Variants in CCDC61 observed in about 807,000 individuals in gnomAD.
CCDC61 encodes the protein centrosomal protein CCDC61.
In CCDC61, 55 loss-of-function variants were observed where a neutral mutation model predicts 63.0. The ratio of observed to expected loss-of-function variants is 0.87; its 90% CI spans 0.70 to 1.09. CCDC61 has a LOEUF of 1.09. Among genes scored for constraint, CCDC61 ranks in the 50% least tolerant of loss-of-function variants. The pLI is 0.00. For synonymous variants in CCDC61, 270 were observed against 317.0 expected (o/e 0.85, Z 1.58); for missense variants, 651 against 731.4 (o/e 0.89, Z 1.27).
intron 1 of CCDC61, chr19:46,000,199 G>A (rs2146452966): frequency 3.8e-6 from 1 of 260,690 alleles, no homozygotes; most frequent in African/African-American, 2.3e-5. Context: ...TGGAAAATAT[G>A]TGTGCGGGTG....
At chr19:45,998,353 C>T (rs2146450146) in intron 1 of CCDC61, among the ~76,000 whole-genome samples, 1 of 152,334 alleles carries the variant, frequency 6.6e-6, no homozygotes, top group East Asian at 1.9e-4. Flanking sequence ...TAGGAAGCTG[C>T]ATTTTCATAA....
intron 5 of CCDC61, among the ~76,000 whole-genome samples, chr19:46,008,807 G>T (rs1968768562): frequency 6.6e-6 from 1 of 152,166 alleles, no homozygotes; most frequent in Admixed American, 6.5e-5. Flanking sequence ...CTGAGTCCAG[G>T]GAGGGAGGCA....
chr19:46,002,926 G>T, intron 1 of CCDC61, 82 bp from the exon 2 acceptor site: 1 of 1,370,714 alleles, frequency 7.3e-7, no homozygotes, highest in Admixed American at 2.1e-5. Flanking sequence ...AAATGATGGA[G>T]CCAGGATATG....
At chr19:46,009,096 G>A (rs1344514239) in intron 5 of CCDC61, among the ~76,000 whole-genome samples, 1 of 152,186 alleles carries the variant, frequency 6.6e-6, no homozygotes, top group Non-Finnish European at 1.5e-5. Flanking sequence ...CCTGTGCTGT[G>A]GGAGGCTGTC....
intron 5 of CCDC61, among the ~76,000 whole-genome samples, chr19:46,011,962 C>G (rs1211880568): frequency 2.0e-5 from 3 of 152,132 alleles, no homozygotes; most frequent in Non-Finnish European, 2.9e-5. Context: ...GCCACCACAC[C>G]CGGCTGATTT....
Position 46,017,288 on chromosome 19 carries a change from G to A in CCDC61, c.1352G>A (p.Trp451Ter), listed in dbSNP as rs1038222144. 14 of 1,564,560 alleles carry A rather than the reference G, an allele frequency of 8.9e-6. No individual in the cohort carries two copies. In the African/African-American group the frequency reaches 1.6e-4, roughly 18 times the overall value. Residue 451 changes from tryptophan to a stop codon, truncating the protein, a stop_gained, in exon 12 of 14, where the codon TGG becomes TAG. Transcript: ENST00000595358. LOFTEE classifies it high-confidence loss of function. ...GGGAAGCCTCCCAGCCCAACGCCCT[G>A]GAGTGGGTCCAATATGGTGAGTAGA... ...RRGKPPSPTPWSGSNMKSPPV... is the reference protein window; with the variant it reads ...RRGKPPSPTP
intron 5 of CCDC61, among the ~76,000 whole-genome samples, chr19:46,011,037 T>C (rs1054777094): frequency 6.6e-6 from 1 of 151,450 alleles, no homozygotes; most frequent in Non-Finnish European, 1.5e-5. Context: ...TTTGTCGAGG[T>C]CTTTCTTTTC....
chr19:45,998,240 C>T (rs1036589602), intron 1 of CCDC61, among the ~76,000 whole-genome samples: 4 of 152,178 alleles, frequency 2.6e-5, no homozygotes, highest in South Asian at 2.1e-4. Flanking sequence ...ATTGTGGCGC[C>T]CAAGGGCAGA....
intron 3 of CCDC61, 27 bp downstream of exon 3, chr19:46,003,528 T>TGGGGGG: frequency 8.0e-5 from 71 of 882,846 alleles, no homozygotes; most frequent in Middle Eastern, 2.7e-4. Context: ...CGGGTTGGGG[T>TGGGGGG]GGGAGGGGGG....
chr19:46,018,541 C>T lies in CCDC61; in HGVS notation c.*154C>T, dbSNP rs1403733817. ...GTCTCAGGTGTGTGAGGCCCTGACC[C>T]TGCCCTCTCCCCAGGCAGTGCATGC... On this transcript the variant is annotated 3_prime_UTR_variant, in exon 14 of 14. Transcript: ENST00000595358. This position sits in a 1 kb window ranked among gnomAD's most constrained non-coding sequence, Gnocchi z 4.2. 2 of 606,818 alleles carry T rather than the reference C, an allele frequency of 3.3e-6. No individual in the cohort carries two copies. The highest frequency in any genetic ancestry group is 2.8e-5 in the East Asian group (1 of 35,280). 37.6% of individuals were successfully genotyped at this position (606,818 alleles called of 1,614,324 possible). A position where few individuals can be genotyped will look rare whatever the true frequency, so the allele number is the denominator to read the frequency against.
Position 46,016,781 on chromosome 19 carries a change from C to G in CCDC61, c.1179C>G (p.Ala393=). ...SWSRQTQPPA[A]LTGRGDAPNR... ...CTCGCCAGACCCAGCCCCCTGCTGC[C>G]TTGACTGGCCGAGGGGACGCCCCTA... Residue 393 remains alanine (A), a synonymous_variant, in exon 10 of 14, where the codon GCC becomes GCG. Transcript: ENST00000595358. This position sits in a 1 kb window ranked among gnomAD's most constrained non-coding sequence, Gnocchi z 7.2. 1 of 1,553,062 alleles carries G rather than the reference C, an allele frequency of 6.4e-7. No homozygotes were observed.
At position 46,006,714 on chromosome 19, in the gene CCDC61, C is replaced by T. The variant is rs1455669204; in HGVS notation, c.387C>T (p.Asp129=). 1.0e-5 allele frequency: 16 copies of T among 1,602,612 alleles called. No individual in the cohort carries two copies. The highest frequency in any genetic ancestry group is 1.4e-5 in the Non-Finnish European group (16 of 1,171,502). Residue 129 remains aspartate (D), a splice_region_variant and synonymous_variant, in exon 4 of 14, where the codon GAC becomes GAT. Coordinates refer to ENST00000595358, the MANE Select transcript of CCDC61 (RefSeq NM_001267723.2). ...TCCTCATCTACTCCGTGGAGTTTGA[C>T]AGGTGGGGAGAAGGGTCTGGCTCCA... ...YLILIYSVEF[D]RIHYPLPLPY... is the part of the protein sequence containing the mutation.
At chr19:46,013,144 G>GCCC (rs1942379600) in intron 5 of CCDC61, among the ~76,000 whole-genome samples, 1 of 152,016 alleles carries the variant, frequency 6.6e-6, no homozygotes, top group Non-Finnish European at 1.5e-5. Flanking sequence ...TCAGCCTCCT[G>GCCC]AGTAGCTGGG....
At chr19:46,003,529 G>A (rs756265417) in intron 3 of CCDC61, 28 bp downstream of exon 3, 4 of 1,028,920 alleles carry the variant, frequency 3.9e-6, no homozygotes, top group South Asian at 3.0e-5. Context: ...GGGTTGGGGT[G>A]GGAGGGGGGT....
intron 5 of CCDC61, among the ~76,000 whole-genome samples, chr19:46,013,639 C>T (rs1212474086): frequency 2.0e-5 from 3 of 151,934 alleles, no homozygotes; most frequent in Admixed American, 1.3e-4. Context: ...GAGGCTGAGG[C>T]GGGCAGATCA....
At chr19:46,003,523 T>C (rs10412427) in intron 3 of CCDC61, 22 bp downstream of exon 3, 271,154 of 1,014,702 alleles carry the variant, frequency 0.27, 26,203 homozygotes, top group Non-Finnish European at 0.31. Context: ...GTTGGCGGGT[T>C]GGGGTGGGAG....
rs781563570 is a variant in CCDC61, at chr19:46,016,942, T to G, written c.1232-49T>G. ...CGGGCTGGGAGGGCCTGGGAAGCAC[T>G]GGGCGGGGCCAGCGAGGGCCAGCGG... On this transcript the variant is annotated intron_variant, in intron 10 of 13. Coordinates refer to ENST00000595358, the MANE Select transcript of CCDC61 (RefSeq NM_001267723.2). The surrounding 1 kb of genome is among the most constrained non-coding windows in gnomAD (Gnocchi z 7.2). The G allele has an allele frequency of 1.3e-6, 2 of 1,562,914 alleles. No individual in the cohort carries two copies. The highest frequency in any genetic ancestry group is 1.7e-6 in the Non-Finnish European group (2 of 1,154,638).
Position 46,016,562 on chromosome 19 carries a change from C to T in CCDC61, c.1092-132C>T. On this transcript the variant is annotated intron_variant, in intron 9 of 13. Coordinates refer to ENST00000595358, the MANE Select transcript of CCDC61 (RefSeq NM_001267723.2). This position sits in a 1 kb window ranked among gnomAD's most constrained non-coding sequence, Gnocchi z 7.2. ...CCGTCCTACCTCCTCGTCTGTGTTT[C>T]TGCGTGCTTTCCGCTCGTAGGCCTG... 6.9e-7 allele frequency: 1 copy of T among 1,438,972 alleles called. No individual in the cohort carries two copies. Among genetic ancestry groups the T allele is most frequent in the East Asian group, 2.4e-5 (1 of 41,202 alleles). 89.1% of individuals were successfully genotyped at this position (1,438,972 alleles called of 1,614,324 possible).
At position 46,003,145 on chromosome 19, in the gene CCDC61, C is replaced by A; in HGVS notation, c.127C>A (p.Arg43=). 1 of 1,610,804 alleles carries A rather than the reference C, an allele frequency of 6.2e-7. No individual in the cohort carries two copies. The highest frequency in any genetic ancestry group is 1.1e-5 in the South Asian group (1 of 90,352). The change falls in exon 2 of 14, where the codon CGG becomes AGG. Residue 43 remains arginine (R), a synonymous_variant. Coordinates refer to ENST00000595358, the MANE Select transcript of CCDC61 (RefSeq NM_001267723.2). ...GGACCGGATGACGGCTGACCAGTGG[C>A]GGGGCGAGTTCGATGCTGGCTGTGA... The part of the protein sequence containing the change: ...VEDRMTADQW[R]GEFDAGFIED...
Sources: allele counts gnomAD v4.1 joint callset (sites outside exome capture counted in the v4.1 genomes callset), GRCh38; gene constraint gnomAD v4.1.1; non-coding constraint Gnocchi (gnomAD v3.1); transcripts MANE v1.5; gene names NCBI Gene and HGNC (gene_info 2026-07-23, HGNC 2026-07-21).